The following XKR6 variants were observed in gnomAD, a reference collection of about 807,000 sequenced individuals.
XKR6 encodes the protein XK related 6.
A neutral mutation model predicts 56.7 loss-of-function variants in XKR6; 22 were observed. That is an observed-to-expected ratio of 0.39 (90% CI 0.28 to 0.55). The LOEUF is 0.55. Ranked by LOEUF, XKR6 falls within the 20% of genes least tolerant of loss-of-function variation. The pLI, the probability that XKR6 is intolerant of heterozygous loss-of-function variation, is 0.66. For missense variants in XKR6, 852 were observed against 889.0 expected (o/e 0.96, Z 0.53); for synonymous variants, 524 against 387.8 (o/e 1.35, Z -4.13).
chr8:11,068,117 T>A (rs1341707236), intron 1 of XKR6, among the ~76,000 whole-genome samples: 1 of 152,186 alleles, frequency 6.6e-6, no homozygotes, highest in African/African-American at 2.4e-5. Context: ...AAACTCACCT[T>A]CAACAGCCTC....
intron 1 of XKR6, among the ~76,000 whole-genome samples, chr8:10,951,098 C>A (rs1402672075): frequency 3.3e-5 from 5 of 152,226 alleles, no homozygotes; most frequent in Non-Finnish European, 5.9e-5. Context: ...GACCCCAGGG[C>A]TGCTGTTCTG....
At chr8:11,089,478 G>C (rs766845815) in intron 1 of XKR6, among the ~76,000 whole-genome samples, 2 of 151,956 alleles carry the variant, frequency 1.3e-5, no homozygotes, top group Non-Finnish European at 2.9e-5. Context: ...AAAAAAACTT[G>C]TTAAAAAAAA....
chr8:11,171,758 T>G (rs1802382369), intron 1 of XKR6, among the ~76,000 whole-genome samples: 1 of 152,078 alleles, frequency 6.6e-6, no homozygotes, highest in African/African-American at 2.4e-5. Flanking sequence ...CCTTTAAAAG[T>G]TACCCAGTCT....
chr8:11,080,837 T>C (rs1227598615), intron 1 of XKR6, among the ~76,000 whole-genome samples: 2 of 152,254 alleles, frequency 1.3e-5, no homozygotes, highest in Non-Finnish European at 2.9e-5. Flanking sequence ...CTCTGGGCAC[T>C]GTTTGCCGGT....
chr8:11,158,723 A>C (rs532909391), intron 1 of XKR6, among the ~76,000 whole-genome samples: 2 of 152,336 alleles, frequency 1.3e-5, no homozygotes, highest in East Asian at 3.9e-4. Context: ...CACAGACAGG[A>C]ATGGCAGGCT....
At chr8:10,908,208 C>T (rs1353104757) in intron 2 of XKR6, among the ~76,000 whole-genome samples, 1 of 152,188 alleles carries the variant, frequency 6.6e-6, no homozygotes, top group Non-Finnish European at 1.5e-5. Flanking sequence ...CACAGGGACC[C>T]TTGACTCACA....
In XKR6 at chr8:10,899,309, G is replaced by A. The variant is rs551964494; in HGVS notation, c.962-393C>T. ...TTGGCGTCGCTGTCACCAGCAGCCT[G>A]TGCTCTCAGAGAAGCCCACAGGAGG... On this transcript the variant is annotated intron_variant, in intron 2 of 2. Coordinates refer to ENST00000416569, the MANE Select transcript of XKR6 (RefSeq NM_173683.4). Among the ~76,000 whole-genome samples, 9 of 152,350 alleles carry A rather than the reference G, an allele frequency of 5.9e-5. No individual in the cohort carries two copies. In the South Asian group the frequency reaches 1.9e-3, roughly 32 times the overall value.
chr8:10,973,945 T>C (rs930675446), intron 1 of XKR6, among the ~76,000 whole-genome samples: 6 of 152,386 alleles, frequency 3.9e-5, no homozygotes, highest in Admixed American at 6.5e-5. Context: ...ACTTTCTAAA[T>C]GACTTCATTT....
intron 1 of XKR6, among the ~76,000 whole-genome samples, chr8:10,948,264 C>T (rs1400777264): frequency 3.3e-5 from 5 of 152,270 alleles, no homozygotes; most frequent in East Asian, 1.9e-4. Flanking sequence ...GGCTCAGGTC[C>T]GTCCCCATCC....
intron 1 of XKR6, among the ~76,000 whole-genome samples, chr8:11,165,474 C>T (rs924819376): frequency 1.3e-5 from 2 of 152,078 alleles, no homozygotes; most frequent in African/African-American, 4.8e-5. Context: ...AATGATATTT[C>T]CAGTTTAAAC....
At chr8:11,108,438 G>A (rs886798363) in intron 1 of XKR6, 1 of 427,786 alleles carries the variant, frequency 2.3e-6, no homozygotes, top group Non-Finnish European at 4.6e-6. Context: ...CTTCATAATT[G>A]TTAGAAATGT....
chr8:11,046,902 A>T (rs1799423974), intron 1 of XKR6, among the ~76,000 whole-genome samples: 1 of 152,188 alleles, frequency 6.6e-6, no homozygotes, highest in Non-Finnish European at 1.5e-5. Flanking sequence ...GCACAGAAAG[A>T]CAAATACTAC....
chr8:10,998,439 T>C (rs1798165314), intron 1 of XKR6, among the ~76,000 whole-genome samples: 1 of 152,142 alleles, frequency 6.6e-6, no homozygotes, highest in Non-Finnish European at 1.5e-5. Flanking sequence ...AGAATTCACC[T>C]CTCCTTCTCA....
intron 1 of XKR6, among the ~76,000 whole-genome samples, chr8:10,969,941 T>C (rs375277513): frequency 1.3e-5 from 2 of 152,236 alleles, no homozygotes; most frequent in Admixed American, 1.3e-4. Context: ...TAAGCTCCCA[T>C]GTGGGGTCTC....
At chr8:11,028,331 TCA>T (rs1454589909) in intron 1 of XKR6, among the ~76,000 whole-genome samples, 10 of 152,230 alleles carry the variant, frequency 6.6e-5, no homozygotes, top group Admixed American at 4.6e-4. Flanking sequence ...TTTGCATGGA[TCA>T]CAGTTTACCC....
At chr8:11,051,829 C>G (rs537885241) in intron 1 of XKR6, among the ~76,000 whole-genome samples, 2 of 151,576 alleles carry the variant, frequency 1.3e-5, no homozygotes, top group South Asian at 4.2e-4. Flanking sequence ...TAAAAAAAAG[C>G]AAAAACAAAA....
intron 1 of XKR6, among the ~76,000 whole-genome samples, chr8:11,061,369 G>A (rs1009227860): frequency 6.6e-6 from 1 of 152,134 alleles, no homozygotes; most frequent in African/African-American, 2.4e-5. Flanking sequence ...TGGAGGCTGA[G>A]GTGGGAGGAT....
intron 1 of XKR6, among the ~76,000 whole-genome samples, chr8:11,004,099 G>A (rs1043558323): frequency 3.9e-5 from 6 of 152,218 alleles, no homozygotes; most frequent in Admixed American, 3.3e-4. Context: ...CTGAGCTGCA[G>A]AGATGGAGCG....
intron 1 of XKR6, among the ~76,000 whole-genome samples, chr8:11,020,071 T>C (rs1447782992): frequency 6.6e-6 from 1 of 152,140 alleles, no homozygotes; most frequent in Non-Finnish European, 1.5e-5. Context: ...GATGGTGGCC[T>C]CATCCCCACC....
Sources: allele counts gnomAD v4.1 joint callset (sites outside exome capture counted in the v4.1 genomes callset), GRCh38; gene constraint gnomAD v4.1.1; transcripts MANE v1.5; gene names NCBI Gene and HGNC (gene_info 2026-07-23, HGNC 2026-07-21).